PAX5: variants seen among roughly 807,000 people sequenced by gnomAD.
The protein encoded by PAX5 is paired box protein Pax-5.
A neutral mutation model predicts 43.7 loss-of-function variants in PAX5; 9 were observed. The observed-to-expected ratio is 0.21, with a 90% confidence interval of 0.12 to 0.36. PAX5 has a LOEUF of 0.36. Among genes scored for constraint, PAX5 ranks in the 10% least tolerant of loss-of-function variants. The pLI is 1.00. For synonymous variants in PAX5, 228 were observed against 214.3 expected (o/e 1.06, Z -0.56); for missense variants, 383 against 532.7 (o/e 0.72, Z 2.77).
chr9:36,963,729 C>G (rs1834168962), intron 6 of PAX5, among the ~76,000 whole-genome samples: 1 of 152,166 alleles, frequency 6.6e-6, no homozygotes, highest in Non-Finnish European at 1.5e-5. Flanking sequence ...GATTCTGAGT[C>G]TCCATGACGG....
At chr9:36,880,825 G>A (rs992398739) in intron 8 of PAX5, among the ~76,000 whole-genome samples, 4 of 152,214 alleles carry the variant, frequency 2.6e-5, no homozygotes, top group African/African-American at 9.7e-5. Flanking sequence ...TGATCTGTCT[G>A]CCTCTGCCTC....
At chr9:37,027,654 T>C (rs1395988781) in intron 1 of PAX5, among the ~76,000 whole-genome samples, 2 of 152,116 alleles carry the variant, frequency 1.3e-5, no homozygotes, top group Non-Finnish European at 2.9e-5. Flanking sequence ...GCGCGCACAG[T>C]GCGCCACCGC....
At chr9:36,959,542 C>T (rs1268165152) in intron 6 of PAX5, among the ~76,000 whole-genome samples, 1 of 152,208 alleles carries the variant, frequency 6.6e-6, no homozygotes, top group Non-Finnish European at 1.5e-5. Flanking sequence ...AGGAGCTTGG[C>T]CCTGAGCACA....
At chr9:36,910,179 AG>A (rs1450477642) in intron 7 of PAX5, among the ~76,000 whole-genome samples, 1 of 152,214 alleles carries the variant, frequency 6.6e-6, no homozygotes, top group African/African-American at 2.4e-5. Flanking sequence ...CTCAGTAAAA[AG>A]TGTTCTCCCC....
chr9:36,972,925 G>A (rs1193696343), intron 5 of PAX5, among the ~76,000 whole-genome samples: 1 of 151,814 alleles, frequency 6.6e-6, no homozygotes, highest in Non-Finnish European at 1.5e-5. Context: ...CTACTCAGGA[G>A]GCTGAGGCAC....
chr9:36,986,573 C>T (rs1264248327), intron 5 of PAX5, among the ~76,000 whole-genome samples: 1 of 152,108 alleles, frequency 6.6e-6, no homozygotes, highest in Non-Finnish European at 1.5e-5. Flanking sequence ...TCTCCTTCCA[C>T]GTCGCGCAGG....
intron 6 of PAX5, among the ~76,000 whole-genome samples, chr9:36,936,427 A>G (rs1831557113): frequency 6.6e-6 from 1 of 152,224 alleles, no homozygotes; most frequent in Admixed American, 6.5e-5. Flanking sequence ...CAAGTTCCAC[A>G]GGCTTCTTCC....
At chr9:36,885,009 G>A (rs781055189) in intron 7 of PAX5, among the ~76,000 whole-genome samples, 1 of 152,194 alleles carries the variant, frequency 6.6e-6, no homozygotes, top group Non-Finnish European at 1.5e-5. Flanking sequence ...CCAGTTTTAC[G>A]CAGGCACAGT....
At chr9:36,946,834 G>A (rs1005063153) in intron 6 of PAX5, among the ~76,000 whole-genome samples, 2 of 152,200 alleles carry the variant, frequency 1.3e-5, no homozygotes, top group African/African-American at 4.8e-5. Flanking sequence ...CAACCAACTT[G>A]GAAAGCCCCA....
At chr9:36,955,998 G>A (rs755862381) in intron 6 of PAX5, among the ~76,000 whole-genome samples, 7 of 152,098 alleles carry the variant, frequency 4.6e-5, no homozygotes, top group Non-Finnish European at 1.0e-4. Context: ...ACTTCCTTAA[G>A]TCAAACTTCC....
At chr9:36,964,414 AC>A (rs1834237273) in intron 6 of PAX5, among the ~76,000 whole-genome samples, 1 of 151,234 alleles carries the variant, frequency 6.6e-6, no homozygotes. Context: ...ACATGGTGAA[AC>A]CCCATCTCTA....
chr9:36,994,506 C>T (rs1447274686), intron 5 of PAX5, among the ~76,000 whole-genome samples: 1 of 152,200 alleles, frequency 6.6e-6, no homozygotes, highest in East Asian at 1.9e-4. Flanking sequence ...CATACACGCA[C>T]GCACACTCGG....
chr9:36,994,514 C>T (rs1564054713), intron 5 of PAX5, among the ~76,000 whole-genome samples: 1 of 152,224 alleles, frequency 6.6e-6, no homozygotes, highest in Non-Finnish European at 1.5e-5. Flanking sequence ...CACGCACACT[C>T]GGCCCCACCG....
At chr9:36,967,429 C>A (rs1834541413) in intron 5 of PAX5, among the ~76,000 whole-genome samples, 1 of 152,168 alleles carries the variant, frequency 6.6e-6, no homozygotes, top group Non-Finnish European at 1.5e-5. Context: ...AGACTGGAAA[C>A]AACCCAAGAG....
At chr9:37,007,234 C>T (rs570609528) in intron 3 of PAX5, among the ~76,000 whole-genome samples, 94 of 152,332 alleles carry the variant, frequency 6.2e-4, no homozygotes, top group African/African-American at 2.2e-3. Flanking sequence ...CTTGCTCACA[C>T]TCTAATACAA....
intron 6 of PAX5, among the ~76,000 whole-genome samples, chr9:36,923,716 G>A (rs559220827): frequency 3.9e-5 from 6 of 152,276 alleles, no homozygotes; most frequent in African/African-American, 1.4e-4. Context: ...GCAGGACTCA[G>A]TGCAACTTCA....
rs537470520 is a variant in PAX5 at position 36,834,628 on chromosome 9, G to A, written c.*5932C>T. 4.3e-6 allele frequency: 1 copy of A among 233,086 alleles called. No homozygotes were observed. Among genetic ancestry groups the A allele is most frequent in the African/African-American group, 2.2e-5 (1 of 45,294 alleles). 14.4% of individuals were successfully genotyped at this position (233,086 alleles called of 1,614,324 possible). A position where few individuals can be genotyped will look rare whatever the true frequency, so the allele number is the denominator to read the frequency against. On this transcript the variant is annotated 3_prime_UTR_variant, in exon 10 of 10. Coordinates refer to ENST00000358127, the MANE Select transcript of PAX5 (RefSeq NM_016734.3). ...CCATTTCCTCAAATACAATAAAATAGTTTCATTAAAATGTATTCATGCTTG... is the reference window on the plus strand; with the variant it reads ...CCATTTCCTCAAATACAATAAAATAATTTCATTAAAATGTATTCATGCTTG...
intron 5 of PAX5, among the ~76,000 whole-genome samples, chr9:36,978,920 A>C (rs1360830817): frequency 2.6e-5 from 4 of 152,156 alleles, no homozygotes; most frequent in African/African-American, 9.7e-5. Flanking sequence ...CGATATCTAT[A>C]TATATATATG....
At chr9:36,877,554 T>G (rs373753068) in intron 8 of PAX5, among the ~76,000 whole-genome samples, 1 of 152,066 alleles carries the variant, frequency 6.6e-6, no homozygotes, top group African/African-American at 2.4e-5. Context: ...GAGACACAGG[T>G]GTCCCAGAGC....
Sources: allele counts gnomAD v4.1 joint callset (sites outside exome capture counted in the v4.1 genomes callset), GRCh38; gene constraint gnomAD v4.1.1; transcripts MANE v1.5; gene names NCBI Gene and HGNC (gene_info 2026-07-23, HGNC 2026-07-21).